ABTB3: variants seen among roughly 807,000 people sequenced by gnomAD.
ABTB3 encodes the protein ankyrin repeat- and BTB/POZ domain-containing protein 3.
chr12:107,508,126 A>G, the ABTB3 span, among the ~76,000 whole-genome samples: 1 of 151,560 alleles, frequency 6.6e-6, no homozygotes, highest in East Asian at 1.9e-4. Flanking sequence ...GTAGATGTAT[A>G]GATGAATAGA....
the ABTB3 span, among the ~76,000 whole-genome samples, chr12:107,542,776 G>T: frequency 1.3e-5 from 2 of 152,140 alleles, no homozygotes; most frequent in South Asian, 4.1e-4. Flanking sequence ...CCATAAGTAA[G>T]CTTGAGAAAA....
the ABTB3 span, chr12:107,612,822 G>C: frequency 6.2e-7 from 1 of 1,613,982 alleles, no homozygotes; most frequent in Non-Finnish European, 8.5e-7. Flanking sequence ...TGGGGACGAG[G>C]CGATGGTTCA....
the ABTB3 span, among the ~76,000 whole-genome samples, chr12:107,449,716 T>C: frequency 1.3e-5 from 2 of 152,106 alleles, no homozygotes; most frequent in Non-Finnish European, 2.9e-5. Flanking sequence ...AGTGGTGTGG[T>C]CATAGCTTAC....
the ABTB3 span, among the ~76,000 whole-genome samples, chr12:107,503,602 C>A: frequency 6.6e-6 from 1 of 151,478 alleles, no homozygotes; most frequent in Non-Finnish European, 1.5e-5. Context: ...TACAAAAAAT[C>A]AAACATTAGC....
At chr12:107,439,521 G>A in the ABTB3 span, among the ~76,000 whole-genome samples, 1 of 152,130 alleles carries the variant, frequency 6.6e-6, no homozygotes, top group African/African-American at 2.4e-5. Flanking sequence ...GAACCACACA[G>A]GTAGGGCTGA....
chr12:107,534,270 T>C, the ABTB3 span, among the ~76,000 whole-genome samples: 1 of 149,012 alleles, frequency 6.7e-6, no homozygotes, highest in Admixed American at 6.7e-5. Flanking sequence ...AAACATAACA[T>C]ACCAAGATCT....
At chr12:107,605,251 T>C in the ABTB3 span, among the ~76,000 whole-genome samples, 4 of 152,354 alleles carry the variant, frequency 2.6e-5, no homozygotes, top group South Asian at 8.3e-4. Flanking sequence ...CTGATGGGTA[T>C]ACAATAGACA....
the ABTB3 span, among the ~76,000 whole-genome samples, chr12:107,513,866 A>G: frequency 5.3e-5 from 8 of 152,328 alleles, no homozygotes; most frequent in East Asian, 1.5e-3. Context: ...TGCCCAGAGC[A>G]GCAGCTTTCA....
the ABTB3 span, among the ~76,000 whole-genome samples, chr12:107,588,273 C>A: frequency 6.6e-6 from 1 of 152,308 alleles, no homozygotes; most frequent in South Asian, 2.1e-4. Context: ...CTTAACATAT[C>A]TTTTGGGGGG....
chr12:107,472,338 C>T, the ABTB3 span, among the ~76,000 whole-genome samples: 13 of 152,082 alleles, frequency 8.5e-5, no homozygotes, highest in Admixed American at 2.6e-4. Context: ...CAAACGGAAC[C>T]GGGGAAGGGA....
At chr12:107,524,368 C>G in the ABTB3 span, among the ~76,000 whole-genome samples, 20 of 152,142 alleles carry the variant, frequency 1.3e-4, no homozygotes, top group African/African-American at 4.6e-4. Flanking sequence ...TCTCTGTGTA[C>G]ATAGAGAGCT....
the ABTB3 span, among the ~76,000 whole-genome samples, chr12:107,375,847 C>A: frequency 6.6e-6 from 1 of 152,168 alleles, no homozygotes; most frequent in Non-Finnish European, 1.5e-5. Context: ...CCTATTCAAA[C>A]CTGCAGAGGC....
the ABTB3 span, among the ~76,000 whole-genome samples, chr12:107,611,306 G>A: frequency 6.6e-6 from 1 of 152,090 alleles, no homozygotes; most frequent in African/African-American, 2.4e-5. Flanking sequence ...TCAGCCTCCT[G>A]AGGAGCTGGG....
At chr12:107,596,214 G>T in the ABTB3 span, among the ~76,000 whole-genome samples, 3 of 152,324 alleles carry the variant, frequency 2.0e-5, no homozygotes, top group East Asian at 1.9e-4. Context: ...TTCCAGTCAA[G>T]GATCCAATTG....
chr12:107,501,679 G>A, the ABTB3 span, among the ~76,000 whole-genome samples: 1 of 152,052 alleles, frequency 6.6e-6, no homozygotes, highest in Non-Finnish European at 1.5e-5. Flanking sequence ...CAGCCTGGGT[G>A]ACAGAGTGAG....
the ABTB3 span, among the ~76,000 whole-genome samples, chr12:107,529,184 G>C: frequency 1.3e-5 from 2 of 151,564 alleles, no homozygotes; most frequent in Non-Finnish European, 2.9e-5. Flanking sequence ...TGATGGTGAT[G>C]ATGATGGTGA....
chr12:107,623,917 G>T, the ABTB3 span, among the ~76,000 whole-genome samples: 2 of 152,100 alleles, frequency 1.3e-5, no homozygotes, highest in Non-Finnish European at 1.5e-5. Context: ...TAGACGAAAC[G>T]GTCAGGAAGT....
At chr12:107,404,973 C>T in the ABTB3 span, among the ~76,000 whole-genome samples, 2 of 152,178 alleles carry the variant, frequency 1.3e-5, no homozygotes, top group Non-Finnish European at 2.9e-5. Flanking sequence ...TTTAAGGACT[C>T]CCCAGAGGCC....
the ABTB3 span, among the ~76,000 whole-genome samples, chr12:107,568,823 C>T: frequency 1.8e-4 from 27 of 150,348 alleles, no homozygotes; most frequent in Admixed American, 3.3e-4. Flanking sequence ...GTGAAGACAC[C>T]GAAGCCCAGG....
Sources: gnomAD v4.1 joint callset for allele counts (sites outside exome capture counted in the v4.1 genomes callset) on GRCh38, gnomAD v4.1.1 for gene constraint, MANE v1.5 for transcripts, NCBI Gene and HGNC (gene_info 2026-07-23, HGNC 2026-07-21) for gene names.